UHRF2: variants seen among roughly 807,000 people sequenced by gnomAD.
UHRF2 encodes the protein ubiquitin like with PHD and ring finger domains 2.
In UHRF2, 23 loss-of-function variants were observed where a neutral mutation model predicts 96.8. The ratio of observed to expected loss-of-function variants is 0.24; its 90% CI spans 0.17 to 0.34. UHRF2 has a LOEUF of 0.34. Among genes scored for constraint, UHRF2 ranks in the 10% least tolerant of loss-of-function variants. The probability of loss-of-function intolerance (pLI) is 1.00; values close to 1 mark genes in which losing one functional copy is unlikely to be tolerated. For synonymous variants in UHRF2, 385 were observed against 332.6 expected (o/e 1.16, Z -1.72); for missense variants, 685 against 981.5 (o/e 0.70, Z 4.04).
At chr9:6,499,974 T>C (rs1367773863) in intron 13 of UHRF2, 43 bp downstream of exon 13, 8 of 1,343,622 alleles carry the variant, frequency 6.0e-6, no homozygotes, top group Non-Finnish European at 8.3e-6. Flanking sequence ...AACATACTTT[T>C]GTTGTTGTTG....
chr9:6,423,549 TATA>T (rs1820057887), intron 2 of UHRF2, among the ~76,000 whole-genome samples: 1 of 152,154 alleles, frequency 6.6e-6, no homozygotes, highest in Admixed American at 6.5e-5. Context: ...AATGTTTCAA[TATA>T]ATTCATTGTA....
At chr9:6,481,087 G>A (rs899881210) in intron 6 of UHRF2, among the ~76,000 whole-genome samples, 13 of 152,106 alleles carry the variant, frequency 8.5e-5, no homozygotes, top group African/African-American at 2.9e-4. Flanking sequence ...GGCAGTTTAC[G>A]AAATACAAGT....
At chr9:6,498,692 T>G (rs1252224268) in intron 12 of UHRF2, 1 of 152,792 alleles carries the variant, frequency 6.5e-6, no homozygotes, top group African/African-American at 2.4e-5. Context: ...CCATAAAGAC[T>G]TCGTTGATTT....
chr9:6,429,582 C>G (rs527715911), intron 2 of UHRF2, among the ~76,000 whole-genome samples: 1 of 152,058 alleles, frequency 6.6e-6, no homozygotes, highest in Non-Finnish European at 1.5e-5. Flanking sequence ...CCACCTGCCT[C>G]GGCCTCCCGA....
chr9:6,486,807 T>C lies in UHRF2; in HGVS notation c.1393-14T>C, dbSNP rs550483511. ...TTCAGAGGTATTTTGAGACTCTCTT[T>C]AATTGTTTTATAGGTGAGCGAAGCA... On this transcript the variant is annotated splice_polypyrimidine_tract_variant and intron_variant, in intron 8 of 15. Transcript: ENST00000276893. 81 of 1,613,260 alleles carry C rather than the reference T, an allele frequency of 5.0e-5. No homozygotes were observed. The highest frequency in any genetic ancestry group is 3.3e-4 in the Middle Eastern group (2 of 6,054).
chr9:6,429,249 T>G (rs1311425910), intron 2 of UHRF2, among the ~76,000 whole-genome samples: 1 of 152,130 alleles, frequency 6.6e-6, no homozygotes, highest in Non-Finnish European at 1.5e-5. Flanking sequence ...AACTCCCACA[T>G]TTTTTACCTG....
At position 6,423,820 on chromosome 9, in the gene UHRF2, C is replaced by T. The variant is rs571523329; in HGVS notation, c.384+2678C>T. Among the ~76,000 whole-genome samples the T allele has an allele frequency of 1.5e-3, 234 of 152,080 alleles. 1 individual carries two copies. Among genetic ancestry groups the T allele is most frequent in the Admixed American group, 7.1e-3 (109 of 15,282 alleles). On this transcript the variant is annotated intron_variant, in intron 2 of 15. Transcript: ENST00000276893. ...ATTAGCTGGATGCGATGGCAGGTGCCTGTAATCCCAGCTACTCCGGAGGCT... is the reference window on the plus strand; with the variant it reads ...ATTAGCTGGATGCGATGGCAGGTGCTTGTAATCCCAGCTACTCCGGAGGCT...
At chr9:6,473,809 A>C (rs569697384) in intron 4 of UHRF2, among the ~76,000 whole-genome samples, 99 of 152,340 alleles carry the variant, frequency 6.5e-4, no homozygotes, top group Non-Finnish European at 6.6e-4. Flanking sequence ...ATAAAACTTT[A>C]TTTTTAAAGT....
chr9:6,486,750 T>C lies in UHRF2; in HGVS notation c.1393-71T>C, dbSNP rs555351302. ...TGGGTCTTTAGGTACCAAGAATATA[T>C]ATGAAAGCATTTTGTAAATGTATCT... On this transcript the variant is annotated intron_variant, in intron 8 of 15. Coordinates refer to ENST00000276893, the MANE Select transcript of UHRF2 (RefSeq NM_152896.3). 102 of 1,462,506 alleles carry C rather than the reference T, an allele frequency of 7.0e-5. 1 individual carries two copies. In the South Asian group the frequency reaches 1.2e-3, roughly 17 times the overall value. The allele number at this position is 1,462,506 out of a possible 1,614,324, so 90.6% of individuals were successfully genotyped here. A position where few individuals can be genotyped will look rare whatever the true frequency, so the allele number is the denominator to read the frequency against.
chr9:6,480,523 C>A (rs886245679), intron 6 of UHRF2, among the ~76,000 whole-genome samples: 1 of 152,212 alleles, frequency 6.6e-6, no homozygotes, highest in African/African-American at 2.4e-5. Context: ...GTATCAAGGT[C>A]TTTCGCTTCA....
At chr9:6,422,745 A>C in intron 2 of UHRF2, 4 of 484,024 alleles carry the variant, frequency 8.3e-6, no homozygotes, top group Non-Finnish European at 1.5e-5. Context: ...AAGTGCTGGG[A>C]TACAGGCGTG....
chr9:6,423,423 T>C (rs1820050498), intron 2 of UHRF2, among the ~76,000 whole-genome samples: 1 of 152,158 alleles, frequency 6.6e-6, no homozygotes, highest in South Asian at 2.1e-4. Flanking sequence ...GCAAATAGAA[T>C]TATGGCTGTA....
At chr9:6,420,354 C>T (rs1416940639) in intron 1 of UHRF2, among the ~76,000 whole-genome samples, 1 of 151,518 alleles carries the variant, frequency 6.6e-6, no homozygotes, top group Admixed American at 6.6e-5. Flanking sequence ...CGCGCCCGGC[C>T]CATTTTTTTT....
chr9:6,423,035 C>G (rs775719908), intron 2 of UHRF2: 1 of 178,716 alleles, frequency 5.6e-6, no homozygotes, highest in Non-Finnish European at 1.2e-5. Flanking sequence ...TAATTCTTAT[C>G]AGTTGCGATA....
intron 9 of UHRF2, among the ~76,000 whole-genome samples, chr9:6,490,921 A>G (rs547154482): frequency 2.0e-5 from 3 of 152,354 alleles, no homozygotes; most frequent in South Asian, 4.1e-4. Flanking sequence ...GGATTAGGAA[A>G]AGGAAACCTG....
chr9:6,416,759 C>G (rs1204477752), intron 1 of UHRF2, among the ~76,000 whole-genome samples: 2 of 149,150 alleles, frequency 1.3e-5, no homozygotes, highest in Non-Finnish European at 3.0e-5. Context: ...GATCTCCTGA[C>G]CTCGTGATCC....
At chr9:6,476,125 A>G (rs956174173) in intron 5 of UHRF2, among the ~76,000 whole-genome samples, 2 of 152,198 alleles carry the variant, frequency 1.3e-5, no homozygotes, top group Non-Finnish European at 2.9e-5. Context: ...ATGGAAGAGA[A>G]CATGTCACAT....
chr9:6,440,916 T>C (rs1821124307), intron 3 of UHRF2, among the ~76,000 whole-genome samples: 1 of 152,204 alleles, frequency 6.6e-6, no homozygotes, highest in Admixed American at 6.5e-5. Flanking sequence ...TCTTCAAAAG[T>C]TGTAATGATT....
chr9:6,504,379 T>C (rs1816472794), intron 14 of UHRF2: 1 of 356,854 alleles, frequency 2.8e-6, no homozygotes, highest in Non-Finnish European at 5.1e-6. Context: ...AAATAATAGA[T>C]GGATATATTT....
Sources: gnomAD v4.1 joint callset for allele counts (sites outside exome capture counted in the v4.1 genomes callset) on GRCh38, gnomAD v4.1.1 for gene constraint, MANE v1.5 for transcripts, NCBI Gene and HGNC (gene_info 2026-07-23, HGNC 2026-07-21) for gene names.